The following IGSF11 variants were observed in gnomAD, a reference collection of about 807,000 sequenced individuals.
IGSF11 encodes the protein immunoglobulin superfamily member 11.
Under a neutral mutation model 41.0 loss-of-function variants are expected in IGSF11, and 22 were observed. That is an observed-to-expected ratio of 0.54 (90% CI 0.38 to 0.77). The LOEUF (loss-of-function observed/expected upper bound fraction) is 0.77. Ranked by LOEUF, IGSF11 falls within the 30% of genes least tolerant of loss-of-function variation. The probability of loss-of-function intolerance (pLI) is 0.00; values close to 1 mark genes in which losing one functional copy is unlikely to be tolerated. For missense variants in IGSF11, 444 were observed against 530.8 expected (o/e 0.84, Z 1.61); for synonymous variants, 219 against 201.3 (o/e 1.09, Z -0.74).
intron 2 of IGSF11, among the ~76,000 whole-genome samples, chr3:118,929,422 A>G (rs1942643312): frequency 1.3e-5 from 2 of 152,232 alleles, no homozygotes; most frequent in South Asian, 2.1e-4. Context: ...ATTTAATTTC[A>G]TATCAGAAAA....
chr3:119,047,463 T>C (rs1205063586), intron 1 of IGSF11, among the ~76,000 whole-genome samples: 1 of 152,182 alleles, frequency 6.6e-6, no homozygotes, highest in Non-Finnish European at 1.5e-5. Flanking sequence ...TAAATATATA[T>C]GCACCCAATA....
rs140927546 is a variant in IGSF11, at chr3:118,930,220, C to G, written c.108G>C (p.Arg36=). 160 of 1,613,954 alleles carry G rather than the reference C, an allele frequency of 9.9e-5. 4 individuals are homozygous for G. In the African/African-American group the frequency reaches 1.9e-3, roughly 19 times the overall value. ...TGCAGGGCAGGACTGCTGGCTGACCCCGGGCCACCTGGATACTCCCAGGGC... is the reference window on the plus strand; with the variant it reads ...TGCAGGGCAGGACTGCTGGCTGACCGCGGGCCACCTGGATACTCCCAGGGC... The part of the protein sequence containing the change: ...SESPGSIQVA[R]GQPAVLPCTF... The change falls in exon 2 of 7, where the codon CGG becomes CGC. Residue 36 remains arginine, a synonymous_variant. Coordinates refer to ENST00000393775, the MANE Select transcript of IGSF11 (RefSeq NM_001015887.3).
intron 4 of IGSF11, among the ~76,000 whole-genome samples, chr3:118,918,790 C>T (rs796783676): frequency 3.0e-4 from 42 of 137,996 alleles, no homozygotes; most frequent in Non-Finnish European, 5.3e-4. Flanking sequence ...AAAAAGAGCC[C>T]GCATCGCCAA....
intron 1 of IGSF11, among the ~76,000 whole-genome samples, chr3:119,124,693 A>C (rs1166755067): frequency 2.0e-5 from 3 of 152,114 alleles, no homozygotes; most frequent in Admixed American, 1.3e-4. Flanking sequence ...AAAAGGGTAA[A>C]TCTAAGAGTT....
At chr3:118,921,828 G>C (rs17738897) in intron 4 of IGSF11, among the ~76,000 whole-genome samples, 11,309 of 152,158 alleles carry the variant, frequency 0.074, 497 homozygotes, top group East Asian at 0.13. Context: ...TGTACCATTA[G>C]AGAAATTAAA....
rs377268555 is a variant in IGSF11 at position 118,946,385 on chromosome 3, C to T, written c.53-16110G>A. Among the ~76,000 whole-genome samples, 76 of 151,348 alleles carry T rather than the reference C, an allele frequency of 5.0e-4. 1 individual carries two copies. The highest frequency in any genetic ancestry group is 1.8e-3 in the African/African-American group (75 of 41,174). On this transcript the variant is annotated intron_variant, in intron 1 of 6. Coordinates refer to ENST00000393775, the MANE Select transcript of IGSF11 (RefSeq NM_001015887.3). Reference sequence around the variant, plus strand: ...TTGTAATTTTTCTATAGCACTTATACTTGCAACCTATTTATAGCACTTTAC... The same window carrying T: ...TTGTAATTTTTCTATAGCACTTATATTTGCAACCTATTTATAGCACTTTAC...
chr3:118,956,010 T>C (rs1944926916), intron 1 of IGSF11, among the ~76,000 whole-genome samples: 2 of 152,248 alleles, frequency 1.3e-5, no homozygotes, highest in Non-Finnish European at 1.5e-5. Flanking sequence ...CATAACTTGC[T>C]GCAGCTTCTA....
intron 1 of IGSF11, among the ~76,000 whole-genome samples, chr3:118,986,934 C>T (rs943913403): frequency 6.6e-6 from 1 of 152,314 alleles, no homozygotes; most frequent in Non-Finnish European, 1.5e-5. Context: ...CACTCTAAGA[C>T]CATGGCTGTT....
intron 1 of IGSF11, among the ~76,000 whole-genome samples, chr3:119,116,296 C>T (rs191595180): frequency 2.0e-5 from 3 of 151,982 alleles, no homozygotes; most frequent in East Asian, 1.9e-4. Context: ...AAATATTGGT[C>T]TTTTGCTCTT....
At chr3:119,004,352 TTTTTTTC>T in intron 1 of IGSF11, among the ~76,000 whole-genome samples, 4 of 67,916 alleles carry the variant, frequency 5.9e-5, no homozygotes, top group Admixed American at 1.5e-4. Flanking sequence ...TTCTTCTCTC[TTTTTTTC>T]TTTATTAGTC....
chr3:119,084,118 C>A (rs1239702513), intron 1 of IGSF11, among the ~76,000 whole-genome samples: 1 of 151,980 alleles, frequency 6.6e-6, no homozygotes, highest in African/African-American at 2.4e-5. Context: ...GAGGAGGGGG[C>A]AAGATGGACA....
At chr3:119,083,394 C>T (rs2107484110) in intron 1 of IGSF11, among the ~76,000 whole-genome samples, 1 of 152,156 alleles carries the variant, frequency 6.6e-6, no homozygotes, top group South Asian at 2.1e-4. Flanking sequence ...TGGGCCACTG[C>T]ACCTGGTAAG....
At position 118,948,845 on chromosome 3, in the gene IGSF11, G is replaced by A. The variant is rs537188992; in HGVS notation, c.53-18570C>T. Among the ~76,000 whole-genome samples the A allele has an allele frequency of 1.9e-4, 29 of 151,700 alleles. No homozygotes were observed. In the South Asian group the frequency reaches 2.9e-3, roughly 15 times the overall value. On this transcript the variant is annotated intron_variant, in intron 1 of 6. Transcript: ENST00000393775. ...AAAATAGCCGGGCATGGTGGTGGGC[G>A]CCTGTAGTCCCAGCTACTCGGGAGG...
At chr3:119,080,949 T>C (rs551978530) in intron 1 of IGSF11, among the ~76,000 whole-genome samples, 2 of 152,244 alleles carry the variant, frequency 1.3e-5, no homozygotes, top group African/African-American at 4.8e-5. Flanking sequence ...CCAAAAAGTT[T>C]CAGGGTTTAT....
At chr3:119,146,002 A>C in exon 1 of IGSF11, 2 of 587,580 alleles carry the variant, frequency 3.4e-6, no homozygotes, top group Non-Finnish European at 6.0e-6. Context: ...TCGCCTGCAC[A>C]CTGCAGGGTC....
chr3:118,935,335 G>T (rs1034463362), intron 1 of IGSF11, among the ~76,000 whole-genome samples: 4 of 132,946 alleles, frequency 3.0e-5, no homozygotes, highest in East Asian at 4.3e-4. Context: ...TACACCCTGA[G>T]ATATATATAT....
chr3:118,963,558 T>TA (rs1945479384), intron 1 of IGSF11, among the ~76,000 whole-genome samples: 1 of 152,142 alleles, frequency 6.6e-6, no homozygotes, highest in African/African-American at 2.4e-5. Flanking sequence ...CTCATGGAGA[T>TA]AGGATTCTGG....
intron 1 of IGSF11, among the ~76,000 whole-genome samples, chr3:119,073,810 G>A (rs1489790928): frequency 6.6e-6 from 1 of 152,236 alleles, no homozygotes. Context: ...AGCAGAGGGA[G>A]CTGGCTCCCG....
At chr3:119,043,374 G>C (rs1051875570) in intron 1 of IGSF11, among the ~76,000 whole-genome samples, 1 of 152,110 alleles carries the variant, frequency 6.6e-6, no homozygotes, top group Non-Finnish European at 1.5e-5. Flanking sequence ...AGTCGGGTGT[G>C]AGCTAAGTTG....
Sources: gnomAD v4.1 joint callset for allele counts (sites outside exome capture counted in the v4.1 genomes callset) on GRCh38, gnomAD v4.1.1 for gene constraint, MANE v1.5 for transcripts, NCBI Gene and HGNC (gene_info 2026-07-23, HGNC 2026-07-21) for gene names.